GNA13: variants seen among roughly 807,000 people sequenced by gnomAD.
GNA13 encodes the protein guanine nucleotide-binding protein subunit alpha-13.
GNA13 carries 4 observed loss-of-function variants against 33.5 expected under a neutral mutation model. The observed-to-expected ratio is 0.12, with a 90% confidence interval of 0.06 to 0.27. The LOEUF (loss-of-function observed/expected upper bound fraction) is 0.27. GNA13 is among the 10% of genes least tolerant of loss of function. GNA13 has a pLI of 1.00. For synonymous variants in GNA13, 176 were observed against 183.8 expected (o/e 0.96, Z 0.34); for missense variants, 319 against 487.2 (o/e 0.65, Z 3.25).
intron 2 of GNA13, among the ~76,000 whole-genome samples, chr17:65,048,668 A>G (rs1186700653): frequency 6.6e-6 from 1 of 152,252 alleles, no homozygotes; most frequent in African/African-American, 2.4e-5. Context: ...ATTCATGTTT[A>G]CACCCAAAGT....
At position 65,018,276 on chromosome 17, in the gene GNA13, T is replaced by G; in HGVS notation, c.538A>C (p.Asn180His). The change falls in exon 3 of 4, where the codon AAC becomes CAC. Residue 180 changes from asparagine to histidine, a missense_variant. Around this residue, in one of 4 missense-constraint regions of GNA13, gnomAD observed 136 missense variants for 159.3 expected, o/e 0.85. Transcript: ENST00000439174. ...ACTGGTTCTCCAAGTTTATCCAAGT[T>G]ATCCAGGAAATATTTTACAGATTCA... Reference protein sequence around the residue: ...LGESVKYFLDNLDKLGEPDYI... With the variant: ...LGESVKYFLDHLDKLGEPDYI... 6.5e-7 allele frequency: 1 copy of G among 1,530,074 alleles called. No individual in the cohort carries two copies. Among genetic ancestry groups the G allele is most frequent in the Non-Finnish European group, 9.1e-7 (1 of 1,103,574 alleles). 94.8% of individuals were successfully genotyped at this position (1,530,074 alleles called of 1,614,324 possible). A position where few individuals can be genotyped will look rare whatever the true frequency, so the allele number is the denominator to read the frequency against.
intron 3 of GNA13, among the ~76,000 whole-genome samples, 164 bp downstream of exon 3, chr17:65,018,089 C>T (rs1231930435): frequency 2.0e-5 from 1 of 51,086 alleles, no homozygotes; most frequent in African/African-American, 1.1e-4. Context: ...AGAACGCCAC[C>T]ACTAAAAAAA....
At chr17:65,027,810 G>A (rs115778984) in intron 2 of GNA13, among the ~76,000 whole-genome samples, 3,002 of 152,252 alleles carry the variant, frequency 0.02, 94 homozygotes, top group African/African-American at 0.068. Context: ...ACTTCTATCA[G>A]TTAAGAAAAC....
At position 65,013,602 on chromosome 17, in the gene GNA13, G is replaced by C. The variant is rs749233290; in HGVS notation, c.*655C>G. The stretch of plus-strand genomic sequence containing the variant: ...CCTTTTGCTCTCCCATACCACCTGT[G>C]AACTCTTCATCAGCATCAGACCAAA... On this transcript the variant is annotated 3_prime_UTR_variant, in exon 4 of 4. Transcript: ENST00000439174. 192 of 219,936 alleles carry C rather than the reference G, an allele frequency of 8.7e-4. No homozygotes were observed. Among genetic ancestry groups the C allele is most frequent in the Middle Eastern group, 5.8e-3 (4 of 694 alleles). 13.6% of individuals were successfully genotyped at this position (219,936 alleles called of 1,614,324 possible). A position where few individuals can be genotyped will look rare whatever the true frequency, so the allele number is the denominator to read the frequency against.
Position 65,019,761 on chromosome 17 carries a change from A to G in GNA13, c.511-1458T>C, listed in dbSNP as rs186406926. Among the ~76,000 whole-genome samples, 37 of 152,364 alleles carry G rather than the reference A, an allele frequency of 2.4e-4. No homozygotes were observed. In the East Asian group the frequency reaches 7.1e-3, roughly 29 times the overall value. The stretch of plus-strand genomic sequence containing the variant: ...GAATGAATATGGACCAGTATTTGAT[A>G]GCACAACAGGGTGACTATAGTCACT... On this transcript the variant is annotated intron_variant, in intron 2 of 3. Coordinates refer to ENST00000439174, the MANE Select transcript of GNA13 (RefSeq NM_006572.6).
At chr17:65,038,706 C>T (rs983364978) in intron 2 of GNA13, among the ~76,000 whole-genome samples, 18 of 152,264 alleles carry the variant, frequency 1.2e-4, no homozygotes, top group Non-Finnish European at 1.8e-4. Context: ...GGATTACAGG[C>T]GTGAGCCACC....
chr17:65,054,293 A>G (rs1384506366), intron 1 of GNA13, among the ~76,000 whole-genome samples: 1 of 152,230 alleles, frequency 6.6e-6, no homozygotes, highest in Non-Finnish European at 1.5e-5. Context: ...ATGGCCTTCA[A>G]TTTCCCTAAA....
intron 1 of GNA13, 98 bp from the exon 2 acceptor site, chr17:65,053,826 A>T (rs1330736043): frequency 6.9e-6 from 5 of 722,424 alleles, no homozygotes; most frequent in Non-Finnish European, 1.2e-5. Context: ...TTCTGAATTA[A>T]CCTAGACAAA....
rs71158360 is a variant in GNA13, at chr17:65,037,778, G to GAAAA, written c.510+15720_510+15723dup. ...GAGAGACCCAGCCTCTACAAAAATG[G>GAAAA]AAAAAAAAAAAAAAAAAAAAAAGAC... On this transcript the variant is annotated intron_variant, in intron 2 of 3. Coordinates refer to ENST00000439174, the MANE Select transcript of GNA13 (RefSeq NM_006572.6). Among the ~76,000 whole-genome samples, 773 of 98,950 alleles carry GAAAA rather than the reference G, an allele frequency of 7.8e-3. 34 individuals carry two copies. Among genetic ancestry groups the GAAAA allele is most frequent in the Non-Finnish European group, 0.011 (621 of 54,790 alleles). The allele number at this position is 98,950 out of a possible 152,430, so 64.9% of individuals were successfully genotyped here.
At chr17:65,034,388 T>C (rs902946924) in intron 2 of GNA13, among the ~76,000 whole-genome samples, 22 of 152,064 alleles carry the variant, frequency 1.4e-4, no homozygotes, top group African/African-American at 5.3e-4. Context: ...TTTTTTTTTT[T>C]TTTTGAGATG....
At position 65,056,567 on chromosome 17, in the gene GNA13, G is replaced by C; in HGVS notation, c.27C>G (p.Ser9=). ...AGCCGGGGAAGCACACGGACAGCAC[G>C]GACCGCGACGGCAGGAAGTCCGCCA... is the stretch of plus-strand genomic sequence containing the variant. The part of the protein sequence containing the change: MADFLPSR[S]VLSVCFPGCL... Residue 9 remains serine, a synonymous_variant, in exon 1 of 4, where the codon TCC becomes TCG. Coordinates refer to ENST00000439174, the MANE Select transcript of GNA13 (RefSeq NM_006572.6). The C allele has an allele frequency of 6.2e-7, 1 of 1,607,882 alleles. No individual in the cohort carries two copies. The highest frequency in any genetic ancestry group is 1.3e-5 in the African/African-American group (1 of 74,852).
intron 1 of GNA13, 36 bp downstream of exon 1, chr17:65,056,275 G>A (rs1207493946): frequency 9.3e-6 from 12 of 1,284,576 alleles, no homozygotes; most frequent in African/African-American, 1.6e-5. Flanking sequence ...CAGCCCCCCT[G>A]CCCTTAACCC....
At chr17:65,032,127 TAC>T (rs1456761710) in intron 2 of GNA13, among the ~76,000 whole-genome samples, 1 of 145,800 alleles carries the variant, frequency 6.9e-6, no homozygotes, top group East Asian at 1.9e-4. Flanking sequence ...AGCATGTACT[TAC>T]ATAAAGTTTT....
At position 65,016,657 on chromosome 17, in the gene GNA13, C is replaced by G. The variant is rs183361911; in HGVS notation, c.561+1596G>C. Among the ~76,000 whole-genome samples, 207 of 152,354 alleles carry G rather than the reference C, an allele frequency of 1.4e-3. 4 individuals carry two copies. Among genetic ancestry groups the G allele is most frequent in the Admixed American group, 0.013 (206 of 15,306 alleles). On this transcript the variant is annotated intron_variant, in intron 3 of 3. Coordinates refer to ENST00000439174, the MANE Select transcript of GNA13 (RefSeq NM_006572.6). ...GATTATAGGCGTGAGCCACTGCACC[C>G]GGCCAGAATTCAGAGTTTTTTAAAA...
intron 2 of GNA13, among the ~76,000 whole-genome samples, chr17:65,038,859 A>T (rs959376928): frequency 5.9e-5 from 9 of 152,244 alleles, no homozygotes; most frequent in Non-Finnish European, 4.4e-5. Flanking sequence ...TTTATAATAA[A>T]GTGTTGAATA....
chr17:65,037,777 G>GAAAAAATAAAAA (rs145051963), intron 2 of GNA13, among the ~76,000 whole-genome samples: 1 of 82,042 alleles, frequency 1.2e-5, no homozygotes, highest in African/African-American at 5.1e-5. Flanking sequence ...CTACAAAAAT[G>GAAAAAATAAAAA]GAAAAAAAAA....
intron 2 of GNA13, among the ~76,000 whole-genome samples, chr17:65,042,203 A>T (rs1049077917): frequency 6.6e-5 from 10 of 151,966 alleles, no homozygotes; most frequent in African/African-American, 2.4e-4. Context: ...TACTAAAAAT[A>T]CAAAATTAGC....
Position 65,009,354 on chromosome 17 carries a change from G to A in GNA13, c.*4903C>T, listed in dbSNP as rs115295431. On this transcript the variant is annotated 3_prime_UTR_variant, in exon 4 of 4. Coordinates refer to ENST00000439174, the MANE Select transcript of GNA13 (RefSeq NM_006572.6). ...TACAAAGCAAATATTAATAGCAAGA[G>A]GCAAATGTTTTGCAAAATATGTACA... Among the ~76,000 whole-genome samples, 65 of 152,246 alleles carry A rather than the reference G, an allele frequency of 4.3e-4. No homozygotes were observed. The highest frequency in any genetic ancestry group is 1.5e-3 in the African/African-American group (64 of 41,548).
intron 2 of GNA13, among the ~76,000 whole-genome samples, chr17:65,048,328 C>CTTTTTTTTTTTT (rs1907742127): frequency 5.9e-5 from 9 of 152,270 alleles, no homozygotes; most frequent in African/African-American, 2.2e-4. Flanking sequence ...ACTCCCATCT[C>CTTTTTTTTTTTT]TTTATTCATC....
Sources: gnomAD v4.1 joint callset for allele counts (sites outside exome capture counted in the v4.1 genomes callset) on GRCh38, gnomAD v4.1.1 for gene constraint, gnomAD v4.1.1 regional missense constraint, MANE v1.5 for transcripts, NCBI Gene and HGNC (gene_info 2026-07-23, HGNC 2026-07-21) for gene names.